Variants in LHX9 observed in about 807,000 individuals in gnomAD.
The protein encoded by LHX9 is LIM homeobox 9, also known as LIM/homeobox protein Lhx9.
Under a neutral mutation model 36.5 loss-of-function variants are expected in LHX9, and 9 were observed. That is an observed-to-expected ratio of 0.25 (90% CI 0.15 to 0.43). LHX9 has a LOEUF of 0.43. Among genes scored for constraint, LHX9 ranks in the 20% least tolerant of loss-of-function variants. The probability of loss-of-function intolerance (pLI) is 1.00; values close to 1 mark genes in which losing one functional copy is unlikely to be tolerated. For missense variants in LHX9, 464 were observed against 526.4 expected (o/e 0.88, Z 1.16); for synonymous variants, 211 against 212.1 (o/e 0.99, Z 0.04).
At position 197,921,634 on chromosome 1, in the gene LHX9, A is replaced by C; in HGVS notation, c.708A>C (p.Gly236=). ...GGAAGCGGAAGAGCCCAGCGCTGGG[A>C]GTGGACATCGTCAATTACAACTCAG... ...RPRKRKSPAL[G]VDIVNYNSGC... Residue 236 remains glycine (G), a synonymous_variant, in exon 3 of 5, where the codon GGA becomes GGC. Transcript: ENST00000367387. This position sits in a 1 kb window ranked among gnomAD's most constrained non-coding sequence, Gnocchi z 4.6. The C allele has an allele frequency of 6.3e-7, 1 of 1,594,122 alleles. No individual in the cohort carries two copies.
chr1:197,919,869 G>A (rs1046559966), intron 1 of LHX9, 103 bp from the exon 2 acceptor site: 80 of 1,170,530 alleles, frequency 6.8e-5, no homozygotes, highest in Non-Finnish European at 9.1e-5. Context: ...GGCCCCTGCC[G>A]CTCTCCCTGC....
chr1:197,917,366 AG>A, upstream of LHX9: 1 of 1,301,094 alleles, frequency 7.7e-7, no homozygotes, highest in Non-Finnish European at 1.0e-6. Flanking sequence ...CAGCTCAGGC[AG>A]GAGCAGTCCC....
chr1:197,918,419 G>A, intron 1 of LHX9: 2 of 716,426 alleles, frequency 2.8e-6, no homozygotes, highest in Non-Finnish European at 5.2e-6. Flanking sequence ...AGCCCAGGTG[G>A]CCTTAGTCTC....
intron 3 of LHX9, among the ~76,000 whole-genome samples, chr1:197,926,290 GTTTC>G (rs1203451160): frequency 2.6e-5 from 4 of 152,116 alleles, no homozygotes; most frequent in Non-Finnish European, 2.9e-5. Flanking sequence ...TAAGATTCAG[GTTTC>G]TTTCTCCCTG....
upstream of LHX9, chr1:197,916,641 C>T (rs1659764880): frequency 2.8e-6 from 2 of 702,838 alleles, no homozygotes; most frequent in Non-Finnish European, 2.6e-6. Context: ...CTCTAATTTT[C>T]TCAAAGAAAA....
chr1:197,932,252 A>C lies in LHX9; in HGVS notation c.*2993A>C. On this transcript the variant is annotated 3_prime_UTR_variant, in exon 5 of 5. Transcript: ENST00000367387. ...CAGTAATATGCCCACCCCATATTTG[A>C]AAAAAATTATTATTGAAAAAAATTT... 1 of 304,366 alleles carries C rather than the reference A, an allele frequency of 3.3e-6. No homozygotes were observed. Among genetic ancestry groups the C allele is most frequent in the East Asian group, 5.1e-5 (1 of 19,522 alleles). The allele number at this position is 304,366 out of a possible 1,614,324, so 18.9% of individuals were successfully genotyped here. A position where few individuals can be genotyped will look rare whatever the true frequency, so the allele number is the denominator to read the frequency against.
At chr1:197,922,780 C>G (rs964506739) in intron 3 of LHX9, among the ~76,000 whole-genome samples, 1 of 152,172 alleles carries the variant, frequency 6.6e-6, no homozygotes. Flanking sequence ...TTATGGCAAC[C>G]CCACTCTATT....
intron 1 of LHX9, among the ~76,000 whole-genome samples, chr1:197,919,758 C>A (rs1571400213): frequency 1.3e-5 from 2 of 152,228 alleles, no homozygotes; most frequent in African/African-American, 4.8e-5. Flanking sequence ...CCCGGGAGGA[C>A]GCGAACGCCG....
chr1:197,923,206 AAAG>A (rs2102597713), intron 3 of LHX9, among the ~76,000 whole-genome samples: 1 of 152,318 alleles, frequency 6.6e-6, no homozygotes, highest in South Asian at 2.1e-4. Context: ...TGCTGGACGA[AAAG>A]AAAAGGACCT....
At position 197,921,643 on chromosome 1, in the gene LHX9, C is replaced by A. The variant is rs201684330; in HGVS notation, c.717C>A (p.Ile239=). 3.7e-5 allele frequency: 59 copies of A among 1,588,384 alleles called. No individual in the cohort carries two copies. The highest frequency in any genetic ancestry group is 8.9e-5 in the South Asian group (8 of 89,774). The change falls in exon 3 of 5, where the codon ATC becomes ATA. Residue 239 remains isoleucine, a synonymous_variant. Coordinates refer to ENST00000367387, the MANE Select transcript of LHX9 (RefSeq NM_020204.3). The surrounding 1 kb of genome is among the most constrained non-coding windows in gnomAD (Gnocchi z 4.6). ...KRKSPALGVD[I]VNYNSGCNEN... ...AGAGCCCAGCGCTGGGAGTGGACAT[C>A]GTCAATTACAACTCAGGTGTGCCTC...
Position 197,932,041 on chromosome 1 carries a change from G to A in LHX9, c.*2782G>A, listed in dbSNP as rs1384649356. ...GCAGTGAAGACAAAGACACTATTAGGTTATGATAATCATACATTAAAAAAT... is the reference window on the plus strand; with the variant it reads ...GCAGTGAAGACAAAGACACTATTAGATTATGATAATCATACATTAAAAAAT... On this transcript the variant is annotated 3_prime_UTR_variant, in exon 5 of 5. Transcript: ENST00000367387. The A allele has an allele frequency of 1.6e-5, 17 of 1,075,556 alleles. No homozygotes were observed. In the South Asian group the frequency reaches 2.4e-4, roughly 15 times the overall value. The allele number at this position is 1,075,556 out of a possible 1,614,324, so 66.6% of individuals were successfully genotyped here. A position where few individuals can be genotyped will look rare whatever the true frequency, so the allele number is the denominator to read the frequency against.
intron 4 of LHX9, 99 bp from the exon 5 acceptor site, chr1:197,928,903 A>G (rs952407113): frequency 1.5e-6 from 2 of 1,347,262 alleles, no homozygotes; most frequent in African/African-American, 3.0e-5. Context: ...CAAAAAAAAA[A>G]AAGAAAGAAA....
At chr1:197,923,581 C>T (rs1380097016) in intron 3 of LHX9, among the ~76,000 whole-genome samples, 1 of 151,840 alleles carries the variant, frequency 6.6e-6, no homozygotes, top group Non-Finnish European at 1.5e-5. Flanking sequence ...GATCTCTCAG[C>T]CCGGATAAAG....
Position 197,921,492 on chromosome 1 carries a change from C to T in LHX9, c.566C>T (p.Thr189Ile), listed in dbSNP as rs1659983637. Residue 189 changes from threonine to isoleucine, a missense_variant, in exon 3 of 5, where the codon ACC becomes ATC. Thr to Ile is a moderately conservative substitution (Grantham distance 89). Transcript: ENST00000367387. The surrounding 1 kb of genome is among the most constrained non-coding windows in gnomAD (Gnocchi z 4.6). Reference sequence around the variant, plus strand: ...GTGTACTGCCGCGCCCACTTCGAGACCCTCTTGCAAGGAGAGTATCCACCG... The same window carrying T: ...GTGTACTGCCGCGCCCACTTCGAGATCCTCTTGCAAGGAGAGTATCCACCG... Reference protein sequence around the residue: ...SLVYCRAHFETLLQGEYPPQL... With the variant: ...SLVYCRAHFEILLQGEYPPQL... The T allele has an allele frequency of 3.1e-6, 5 of 1,614,214 alleles. No homozygotes were observed. Among genetic ancestry groups the T allele is most frequent in the Non-Finnish European group, 4.2e-6 (5 of 1,180,052 alleles).
chr1:197,932,259 T>C lies in LHX9; in HGVS notation c.*3000T>C. 3.4e-6 allele frequency: 1 copy of C among 290,814 alleles called. No homozygotes were observed. The highest frequency in any genetic ancestry group is 6.4e-6 in the Non-Finnish European group (1 of 157,266). The allele number at this position is 290,814 out of a possible 1,614,324, so 18.0% of individuals were successfully genotyped here. On this transcript the variant is annotated 3_prime_UTR_variant, in exon 5 of 5. Coordinates refer to ENST00000367387, the MANE Select transcript of LHX9 (RefSeq NM_020204.3). The stretch of plus-strand genomic sequence containing the variant: ...ATGCCCACCCCATATTTGAAAAAAA[T>C]TATTATTGAAAAAAATTTCACACAT...
chr1:197,923,070 C>T lies in LHX9; in HGVS notation c.733+1411C>T, dbSNP rs150384123. 4.5e-3 allele frequency among the ~76,000 whole-genome samples: 693 copies of T among 152,330 alleles called. 14 individuals carry two copies. The South Asian group carries it at 0.064, about 14-fold the overall frequency. ...TGGGCTCTCTCCTGGGGTTCTCTAC[C>T]GACTGATCTAACTGAAGAGGAGAAT... On this transcript the variant is annotated intron_variant, in intron 3 of 4. Transcript: ENST00000367387.
At chr1:197,914,097 C>A (rs142037647), upstream of LHX9, among the ~76,000 whole-genome samples, 2 of 152,326 alleles carry the variant, frequency 1.3e-5, no homozygotes, top group African/African-American at 2.4e-5. Flanking sequence ...CCACTATAGT[C>A]CGGCCGTCCA....
At chr1:197,922,267 C>A (rs1660017159) in intron 3 of LHX9, among the ~76,000 whole-genome samples, 1 of 152,196 alleles carries the variant, frequency 6.6e-6, no homozygotes, top group African/African-American at 2.4e-5. Context: ...AACCAGCCGT[C>A]TCATTCCCGG....
intron 3 of LHX9, among the ~76,000 whole-genome samples, chr1:197,927,082 G>A (rs1297546422): frequency 2.0e-5 from 3 of 152,170 alleles, no homozygotes; most frequent in African/African-American, 7.2e-5. Flanking sequence ...TGGGCTCTCA[G>A]AAACTTTCAG....
Sources: gnomAD v4.1 joint callset for allele counts (sites outside exome capture counted in the v4.1 genomes callset) on GRCh38, gnomAD v4.1.1 for gene constraint, Gnocchi (gnomAD v3.1) non-coding constraint, MANE v1.5 for transcripts, NCBI Gene and HGNC (gene_info 2026-07-23, HGNC 2026-07-21) for gene names.